PDE4D: variants seen among roughly 807,000 people sequenced by gnomAD.
PDE4D encodes 3',5'-cyclic-AMP phosphodiesterase 4D.
Under a neutral mutation model 87.4 loss-of-function variants are expected in PDE4D, and 24 were observed. The observed-to-expected ratio is 0.27, with a 90% CI of 0.20 to 0.39. PDE4D has a LOEUF of 0.39. PDE4D is among the 10% of genes least tolerant of loss of function. The pLI, the probability that PDE4D is intolerant of heterozygous loss-of-function variation, is 1.00. For missense variants in PDE4D, 714 were observed against 1,041.0 expected (o/e 0.69, Z 4.32); for synonymous variants, 384 against 383.2 (o/e 1.00, Z -0.02).
In PDE4D at chr5:59,300,111, C is replaced by CAAA. The variant is rs58771016; in HGVS notation, c.456-84146_456-84144dup. Among the ~76,000 whole-genome samples, 97 of 48,746 alleles carry CAAA rather than the reference C, an allele frequency of 2.0e-3. 4 individuals carry two copies. The highest frequency in any genetic ancestry group is 2.9e-3 in the Admixed American group (11 of 3,826). 32.0% of individuals were successfully genotyped at this position (48,746 alleles called of 152,430 possible). A position where few individuals can be genotyped will look rare whatever the true frequency, so the allele number is the denominator to read the frequency against. On this transcript the variant is annotated intron_variant, in intron 1 of 14. Transcript: ENST00000340635. ...TGGGCGACAGAAAAAGGGTCTGTCTCAAAAAAAAAAAAAAAAAAAAAAAAA... is the reference window on the plus strand; with the variant it reads ...TGGGCGACAGAAAAAGGGTCTGTCTCAAAAAAAAAAAAAAAAAAAAAAAAAAAA...
intron 1 of PDE4D, among the ~76,000 whole-genome samples, chr5:60,251,744 T>A: frequency 6.6e-6 from 1 of 151,912 alleles, no homozygotes; most frequent in East Asian, 1.9e-4. Context: ...GTAATAGGAT[T>A]GCTGGGCCGA....
chr5:59,452,055 T>C (rs547833928), intron 1 of PDE4D, among the ~76,000 whole-genome samples: 3 of 152,272 alleles, frequency 2.0e-5, no homozygotes, highest in African/African-American at 7.2e-5. Flanking sequence ...AACATTGAGA[T>C]TTTTTGTTTG....
chr5:60,176,653 A>G (rs1562185860), intron 2 of PDE4D, among the ~76,000 whole-genome samples: 1 of 152,174 alleles, frequency 6.6e-6, no homozygotes, highest in Non-Finnish European at 1.5e-5. Flanking sequence ...AAAGTCTTAA[A>G]TGAAAACATC....
At chr5:59,028,670 CTAAGGAATGAATAT>C (rs1291961492) in intron 6 of PDE4D, among the ~76,000 whole-genome samples, 1 of 151,878 alleles carries the variant, frequency 6.6e-6, no homozygotes, top group Non-Finnish European at 1.5e-5. Context: ...ACCATTCTGC[CTAAGGAATGAATAT>C]TTTATGAATT....
At chr5:59,626,518 T>A (rs144267923) in intron 1 of PDE4D, among the ~76,000 whole-genome samples, 27 of 152,344 alleles carry the variant, frequency 1.8e-4, no homozygotes, top group Non-Finnish European at 3.4e-4. Context: ...ATTATGTAAT[T>A]TTAGTTAAGC....
chr5:60,277,156 A>G (rs1225489787), intron 1 of PDE4D, among the ~76,000 whole-genome samples: 1 of 152,098 alleles, frequency 6.6e-6, no homozygotes, highest in East Asian at 1.9e-4. Flanking sequence ...ACAGTCAAAC[A>G]AAAGAAAATT....
In PDE4D at chr5:60,307,123, TATAA is replaced by T. The variant is rs1480325640; in HGVS notation, c.-89-121440_-89-121437del. Among the ~76,000 whole-genome samples, 8 of 152,144 alleles carry T rather than the reference TATAA, an allele frequency of 5.3e-5. No individual in the cohort carries two copies. The East Asian group carries it at 1.5e-3, about 29-fold the overall frequency. On this transcript the variant is annotated intron_variant, in intron 1 of 16. Coordinates refer to the PDE4D transcript ENST00000502484. ...AAATGCAAACATAACTAATTAAATA[TATAA>T]ATAAAGTTCAGGAATATATTAAAAG...
At chr5:59,657,123 C>T (rs1744493161) in intron 1 of PDE4D, among the ~76,000 whole-genome samples, 1 of 152,046 alleles carries the variant, frequency 6.6e-6, no homozygotes, top group South Asian at 2.1e-4. Context: ...GTAATTGCAA[C>T]ACAAGATATT....
At chr5:59,327,179 G>C (rs1179897846) in intron 1 of PDE4D, among the ~76,000 whole-genome samples, 1 of 145,864 alleles carries the variant, frequency 6.9e-6, no homozygotes, top group Non-Finnish European at 1.5e-5. Context: ...ACTCCAGACT[G>C]GCTGTGAATG....
At chr5:59,819,577 T>A (rs1769401342) in intron 1 of PDE4D, among the ~76,000 whole-genome samples, 1 of 152,226 alleles carries the variant, frequency 6.6e-6, no homozygotes. Flanking sequence ...GGAAAGCAGG[T>A]GGTCTGCCCA....
chr5:59,244,687 TG>T (rs1238167555), intron 1 of PDE4D, among the ~76,000 whole-genome samples: 3 of 135,334 alleles, frequency 2.2e-5, no homozygotes, highest in Non-Finnish European at 4.8e-5. Context: ...TGTCTGTGTG[TG>T]TGTGTGTGTG....
intron 1 of PDE4D, among the ~76,000 whole-genome samples, chr5:59,440,764 G>A (rs750104574): frequency 4.2e-4 from 63 of 151,780 alleles, no homozygotes; most frequent in Admixed American, 5.9e-4. Flanking sequence ...CAACAAATGC[G>A]AAACTCCATC....
At chr5:59,480,027 C>T (rs1180480964) in intron 1 of PDE4D, among the ~76,000 whole-genome samples, 1 of 151,824 alleles carries the variant, frequency 6.6e-6, no homozygotes, top group Non-Finnish European at 1.5e-5. Context: ...TATCTTACGG[C>T]ATACAGATTG....
intron 1 of PDE4D, among the ~76,000 whole-genome samples, chr5:59,696,475 C>A (rs1441717200): frequency 2.0e-5 from 3 of 151,994 alleles, no homozygotes; most frequent in African/African-American, 7.3e-5. Flanking sequence ...AAAAAAGTGA[C>A]AAGTGCTATG....
chr5:60,227,048 C>T (rs1396133063), intron 1 of PDE4D, among the ~76,000 whole-genome samples: 3 of 151,992 alleles, frequency 2.0e-5, no homozygotes, highest in Admixed American at 2.0e-4. Context: ...GAAAAATATA[C>T]AAACAGATAG....
At chr5:60,007,249 T>C (rs2662431) in intron 2 of PDE4D, among the ~76,000 whole-genome samples, 2,028 of 152,114 alleles carry the variant, frequency 0.013, 49 homozygotes, top group East Asian at 0.087. Flanking sequence ...TGATTTGTTA[T>C]CATGGGTCTT....
chr5:59,427,712 T>C (rs1190546471), intron 1 of PDE4D, among the ~76,000 whole-genome samples: 1 of 151,458 alleles, frequency 6.6e-6, no homozygotes, highest in Non-Finnish European at 1.5e-5. Context: ...TGACCTCAAC[T>C]ACTTGGTAAG....
At chr5:60,512,428 A>G (rs10045093) in intron 1 of PDE4D, among the ~76,000 whole-genome samples, 10,735 of 152,218 alleles carry the variant, frequency 0.071, 529 homozygotes, top group Non-Finnish European at 0.096. Context: ...GATTCCTTTG[A>G]TCATCTGCAT....
chr5:60,447,122 G>T (rs1181729750), intron 1 of PDE4D, among the ~76,000 whole-genome samples: 1 of 152,146 alleles, frequency 6.6e-6, no homozygotes, highest in Non-Finnish European at 1.5e-5. Flanking sequence ...TCTAACATGT[G>T]CTGATTGCTA....
Sources: allele counts gnomAD v4.1 joint callset (sites outside exome capture counted in the v4.1 genomes callset), GRCh38; gene constraint gnomAD v4.1.1; transcripts MANE v1.5; gene names NCBI Gene and HGNC (gene_info 2026-07-23, HGNC 2026-07-21).